Variants in C1QTNF7 observed in about 807,000 individuals in gnomAD.
The protein encoded by C1QTNF7 is complement C1q tumor necrosis factor-related protein 7.
A neutral mutation model predicts 19.6 loss-of-function variants in C1QTNF7; 15 were observed. That is an observed-to-expected ratio of 0.76 (90% CI 0.51 to 1.18). The LOEUF (loss-of-function observed/expected upper bound fraction) is 1.18. C1QTNF7 is among the 50% of genes most tolerant of loss of function. The pLI is 0.00. For synonymous variants in C1QTNF7, 142 were observed against 137.5 expected (o/e 1.03, Z -0.23); for missense variants, 324 against 359.7 (o/e 0.90, Z 0.80).
chr4:15,428,129 T>A (rs1387615120), intron 1 of C1QTNF7, 23 bp downstream of exon 1: 45 of 979,160 alleles, frequency 4.6e-5, no homozygotes, highest in Non-Finnish European at 3.2e-5. Context: ...CTCTTTTTTT[T>A]AGAATTTTGG....
At chr4:15,417,824 G>A (rs919125743) in intron 1 of C1QTNF7, among the ~76,000 whole-genome samples, 2 of 152,148 alleles carry the variant, frequency 1.3e-5, no homozygotes, top group Non-Finnish European at 2.9e-5. Context: ...TGAGAGCCTC[G>A]GGAAGCAAAG....
At chr4:15,426,759 C>T (rs189883505), upstream of C1QTNF7, among the ~76,000 whole-genome samples, 3 of 152,278 alleles carry the variant, frequency 2.0e-5, 1 homozygote, top group East Asian at 5.8e-4. Context: ...AAAAAGCCCA[C>T]TTAAGAAGTT....
chr4:15,351,655 A>AT (rs34570541), intron 1 of C1QTNF7, among the ~76,000 whole-genome samples: 4 of 152,218 alleles, frequency 2.6e-5, no homozygotes, highest in Admixed American at 6.5e-5. Context: ...GGTGTGAATA[A>AT]TTTTTTAAAG....
intron 1 of C1QTNF7, among the ~76,000 whole-genome samples, chr4:15,415,708 T>C (rs10212901): frequency 0.37 from 56,471 of 151,466 alleles, 10,683 homozygotes; most frequent in East Asian, 0.55. Context: ...CCTCCCACTC[T>C]GGCCTCCCAA....
intron 1 of C1QTNF7, among the ~76,000 whole-genome samples, chr4:15,402,601 T>C (rs1489790148): frequency 6.6e-6 from 1 of 151,964 alleles, no homozygotes; most frequent in African/African-American, 2.4e-5. Flanking sequence ...AAGGGAAAAA[T>C]GAAATAAATA....
At chr4:15,397,702 G>T (rs1042016069) in intron 1 of C1QTNF7, among the ~76,000 whole-genome samples, 11 of 152,132 alleles carry the variant, frequency 7.2e-5, no homozygotes, top group Non-Finnish European at 1.6e-4. Flanking sequence ...AGTTCTTAAG[G>T]CTTCACTTAT....
exon 1 of C1QTNF7, chr4:15,339,950 G>C (rs1342377526): frequency 1.7e-6 from 1 of 594,540 alleles, no homozygotes; most frequent in Non-Finnish European, 3.0e-6. Context: ...GAAGGAGTGG[G>C]AGGTTGTTTA....
chr4:15,365,104 C>A (rs576605169), intron 1 of C1QTNF7, among the ~76,000 whole-genome samples: 1 of 152,156 alleles, frequency 6.6e-6, no homozygotes, highest in South Asian at 2.1e-4. Context: ...CATGAAACAT[C>A]CAGTGAAATG....
chr4:15,428,582 T>A (rs1712160131), intron 1 of C1QTNF7, among the ~76,000 whole-genome samples: 1 of 152,126 alleles, frequency 6.6e-6, no homozygotes, highest in African/African-American at 2.4e-5. Context: ...ACAGTGCAAT[T>A]GTGTGGCCTT....
intron 1 of C1QTNF7, among the ~76,000 whole-genome samples, chr4:15,414,752 T>C (rs574598303): frequency 6.6e-6 from 1 of 152,302 alleles, no homozygotes; most frequent in African/African-American, 2.4e-5. Flanking sequence ...TGGCAAAACA[T>C]AGCATCAGTC....
rs190114689 is a variant in C1QTNF7, at chr4:15,439,846, A to C, written c.239-2322A>C. ...TCGATGGTATTAAATCATTGCTGTT[A>C]TATATATAAAATCATTGCTTTTTTA... is the stretch of plus-strand genomic sequence containing the variant. On this transcript the variant is annotated intron_variant, in intron 2 of 2. Coordinates refer to ENST00000444304, the MANE Select transcript of C1QTNF7 (RefSeq NM_031911.5). Among the ~76,000 whole-genome samples, 3 of 152,168 alleles carry C rather than the reference A, an allele frequency of 2.0e-5. No individual in the cohort carries two copies. In the East Asian group the frequency reaches 5.8e-4, roughly 29 times the overall value.
chr4:15,372,104 A>G (rs1717756023), intron 1 of C1QTNF7, among the ~76,000 whole-genome samples: 1 of 152,138 alleles, frequency 6.6e-6, no homozygotes, highest in African/African-American at 2.4e-5. Flanking sequence ...TGTTTTGACA[A>G]TTCAGTGAGG....
At chr4:15,411,981 G>A (rs1180108630) in intron 1 of C1QTNF7, among the ~76,000 whole-genome samples, 1 of 152,122 alleles carries the variant, frequency 6.6e-6, no homozygotes, top group Non-Finnish European at 1.5e-5. Context: ...TGTATTTACA[G>A]CTGCTCCCCA....
intron 1 of C1QTNF7, among the ~76,000 whole-genome samples, chr4:15,430,919 C>A (rs1382785987): frequency 6.6e-6 from 1 of 151,942 alleles, no homozygotes; most frequent in Non-Finnish European, 1.5e-5. Flanking sequence ...CCTTCTAAAC[C>A]CAATAAATTG....
At chr4:15,397,992 C>G (rs1241314178) in intron 1 of C1QTNF7, among the ~76,000 whole-genome samples, 2 of 152,204 alleles carry the variant, frequency 1.3e-5, no homozygotes, top group African/African-American at 4.8e-5. Flanking sequence ...TAGAGTCCTT[C>G]CTAAACCAGA....
At chr4:15,383,730 C>G (rs928221315) in intron 1 of C1QTNF7, among the ~76,000 whole-genome samples, 4 of 152,180 alleles carry the variant, frequency 2.6e-5, no homozygotes, top group African/African-American at 9.7e-5. Flanking sequence ...CAGGTAGCAA[C>G]GTCTGTAGTA....
chr4:15,428,929 C>T (rs965421463), intron 1 of C1QTNF7, among the ~76,000 whole-genome samples: 2 of 152,210 alleles, frequency 1.3e-5, no homozygotes, highest in African/African-American at 4.8e-5. Context: ...AAGTCCAGCC[C>T]TTTGTCATGA....
chr4:15,393,634 A>T (rs2044174408), intron 1 of C1QTNF7, among the ~76,000 whole-genome samples: 1 of 152,170 alleles, frequency 6.6e-6, no homozygotes, highest in Non-Finnish European at 1.5e-5. Flanking sequence ...GATCATCACT[A>T]ATCCAGGTAG....
chr4:15,421,465 G>A (rs1214766773), intron 1 of C1QTNF7, among the ~76,000 whole-genome samples: 7 of 152,130 alleles, frequency 4.6e-5, no homozygotes, highest in Non-Finnish European at 8.8e-5. Context: ...TAAGAGCAGC[G>A]GCAGCTATGT....
Sources: allele counts gnomAD v4.1 joint callset (sites outside exome capture counted in the v4.1 genomes callset), GRCh38; gene constraint gnomAD v4.1.1; transcripts MANE v1.5; gene names NCBI Gene and HGNC (gene_info 2026-07-23, HGNC 2026-07-21).